Variants in AKAP12 observed in about 807,000 individuals in gnomAD.
AKAP12 encodes the protein A-kinase anchor protein 12.
Under a neutral mutation model 79.9 loss-of-function variants are expected in AKAP12, and 32 were observed. The ratio of observed to expected loss-of-function variants is 0.40; its 90% CI spans 0.30 to 0.54. The LOEUF (loss-of-function observed/expected upper bound fraction) is 0.54, where lower values mean the gene tolerates loss of function less well. Among genes scored for constraint, AKAP12 ranks in the 20% least tolerant of loss-of-function variants. AKAP12 has a pLI of 0.48. For synonymous variants in AKAP12, 808 were observed against 857.0 expected, an observed-to-expected ratio of 0.94 and a Z score of 1.00; for missense variants, 2,074 against 2,177.0, an observed-to-expected ratio of 0.95 and a Z score of 0.94.
intron 2 of AKAP12, among the ~76,000 whole-genome samples, chr6:151,264,368 TA>T (rs11324571): frequency 0.21 from 21,882 of 104,716 alleles, 1,693 homozygotes; most frequent in African/African-American, 0.24. Flanking sequence ...CCCCACCTCT[TA>T]AAAAAAAAAA....
Position 151,353,578 on chromosome 6 carries a change from T to C in AKAP12, c.5187T>C (p.Asp1729=), listed in dbSNP as rs1778360447. ...GAGGCTTAACCAAAGAGTCCCCAGA[T>C]ACAAATGGACCAAAACAAAAAGAGA... The part of the protein sequence containing the change: ...ASGGLTKESP[D]TNGPKQKEKE... Residue 1729 remains aspartate, a synonymous_variant, in exon 4 of 5, where the codon GAT becomes GAC. Coordinates refer to ENST00000402676, the MANE Select transcript of AKAP12 (RefSeq NM_005100.4). The C allele has an allele frequency of 6.2e-7, 1 of 1,614,012 alleles. No homozygotes were observed. Among genetic ancestry groups the C allele is most frequent in the African/African-American group, 1.3e-5 (1 of 74,982 alleles).
intron 3 of AKAP12, chr6:151,343,994 G>A (rs754292486): frequency 4.6e-6 from 2 of 435,320 alleles, no homozygotes; most frequent in Non-Finnish European, 8.7e-6. Context: ...TTAAATCGTC[G>A]ATGTCTGGAC....
intron 3 of AKAP12, among the ~76,000 whole-genome samples, chr6:151,321,286 C>A (rs1405884386): frequency 6.6e-6 from 1 of 152,138 alleles, no homozygotes; most frequent in African/African-American, 2.4e-5. Flanking sequence ...CACACCTGGC[C>A]AGGACATTTT....
chr6:151,340,371 G>A (rs1368941666), intron 3 of AKAP12, among the ~76,000 whole-genome samples: 1 of 151,816 alleles, frequency 6.6e-6, no homozygotes, highest in Non-Finnish European at 1.5e-5. Flanking sequence ...AAACATCTGT[G>A]TGCAGATGTT....
chr6:151,284,735 C>CT (rs1776466969), intron 2 of AKAP12, among the ~76,000 whole-genome samples: 1 of 152,190 alleles, frequency 6.6e-6, no homozygotes, highest in African/African-American at 2.4e-5. Flanking sequence ...CAAAACTCAA[C>CT]TTTTTCTGGT....
At chr6:151,354,188 A>C (rs966507608) in intron 4 of AKAP12, among the ~76,000 whole-genome samples, 1 of 151,874 alleles carries the variant, frequency 6.6e-6, no homozygotes, top group Non-Finnish European at 1.5e-5. Flanking sequence ...AGTGCCCCCA[A>C]ATGGGCTAAT....
chr6:151,342,444 A>T (rs1777977025), intron 3 of AKAP12, among the ~76,000 whole-genome samples: 1 of 152,166 alleles, frequency 6.6e-6, no homozygotes, highest in African/African-American at 2.4e-5. Context: ...AGGAGTCCAC[A>T]GCCTGTTGAT....
chr6:151,312,653 G>A (rs9322315), intron 3 of AKAP12, among the ~76,000 whole-genome samples: 123,451 of 151,824 alleles, frequency 0.81, 50,968 homozygotes, highest in East Asian at 0.97. Flanking sequence ...TTAGCCGGGC[G>A]TGGTGGCGGG....
At chr6:151,314,558 G>A (rs546687233) in intron 3 of AKAP12, among the ~76,000 whole-genome samples, 1 of 152,136 alleles carries the variant, frequency 6.6e-6, no homozygotes, top group Non-Finnish European at 1.5e-5. Context: ...ATTGGTTATA[G>A]CCAGGGATGG....
chr6:151,341,734 G>A, intron 3 of AKAP12: 1 of 1,275,864 alleles, frequency 7.8e-7, no homozygotes, highest in African/African-American at 1.6e-5. Flanking sequence ...CAGCGATGGC[G>A]GACACGGAAT....
At chr6:151,244,139 C>G (rs537793265) in intron 2 of AKAP12, among the ~76,000 whole-genome samples, 14 of 152,244 alleles carry the variant, frequency 9.2e-5, no homozygotes, top group African/African-American at 2.9e-4. Flanking sequence ...ATTACAAGAG[C>G]CTTGAATCAC....
At chr6:151,281,778 T>C (rs1394977461) in intron 2 of AKAP12, among the ~76,000 whole-genome samples, 1 of 151,956 alleles carries the variant, frequency 6.6e-6, no homozygotes, top group Non-Finnish European at 1.5e-5. Flanking sequence ...CTTGACTTCC[T>C]GGGCTCAGGA....
At chr6:151,339,910 C>CTGA (rs1297851960) in intron 3 of AKAP12, among the ~76,000 whole-genome samples, 1 of 151,858 alleles carries the variant, frequency 6.6e-6, no homozygotes, top group East Asian at 1.9e-4. Flanking sequence ...TTTTCATGGC[C>CTGA]TGATAACTAA....
chr6:151,348,303 C>T (rs1384103409), intron 3 of AKAP12: 38 of 437,316 alleles, frequency 8.7e-5, no homozygotes, highest in African/African-American at 5.6e-4. Flanking sequence ...CCAGCCTGGG[C>T]GACAGAGTGA....
At chr6:151,304,488 CAAAAAAAAAAAAA>C (rs1157088954) in intron 2 of AKAP12, among the ~76,000 whole-genome samples, 21 of 46,002 alleles carry the variant, frequency 4.6e-4, no homozygotes, top group South Asian at 2.0e-3. Flanking sequence ...CACTCCATCT[CAAAAAAAAAAAAA>C]AAAAAAAAAA....
chr6:151,345,289 A>C (rs1188226029), intron 3 of AKAP12, among the ~76,000 whole-genome samples: 2 of 151,060 alleles, frequency 1.3e-5, no homozygotes, highest in Non-Finnish European at 3.0e-5. Context: ...GTTAGCCAGG[A>C]TGGTCTCGAT....
intron 2 of AKAP12, among the ~76,000 whole-genome samples, chr6:151,245,139 A>T (rs1350417698): frequency 1.3e-5 from 2 of 152,164 alleles, no homozygotes; most frequent in Non-Finnish European, 2.9e-5. Context: ...CCTTTGTCTT[A>T]GTTAGTTTTA....
At chr6:151,275,913 T>A (rs184322424) in intron 2 of AKAP12, among the ~76,000 whole-genome samples, 1 of 152,390 alleles carries the variant, frequency 6.6e-6, no homozygotes, top group East Asian at 1.9e-4. Context: ...TCTGGAAAGT[T>A]GTTCTTATCA....
rs1166221595 is a variant in AKAP12 at position 151,348,328 on chromosome 6, AAAAAAAAAAAAAAAAGTTAATTTTCT to A, written c.320-382_320-357del. On this transcript the variant is annotated intron_variant, in intron 3 of 4. Coordinates refer to ENST00000402676, the MANE Select transcript of AKAP12 (RefSeq NM_005100.4). ...CGACAGAGTGAGACTCTGTCTCAAAAAAAAAAAAAAAAAAAGTTAATTTTCTTGGGCTAGGCACTATAGCTCACACT... is the reference window on the plus strand; with the variant it reads ...CGACAGAGTGAGACTCTGTCTCAAAATGGGCTAGGCACTATAGCTCACACT... The A allele has an allele frequency of 6.5e-5, 6 of 92,790 alleles. No homozygotes were observed. The East Asian group carries it at 1.4e-3, about 22-fold the overall frequency. The allele number at this position is 92,790 out of a possible 1,614,324, so 5.7% of individuals were successfully genotyped here.
Sources: gnomAD v4.1 joint callset for allele counts (sites outside exome capture counted in the v4.1 genomes callset) on GRCh38, gnomAD v4.1.1 for gene constraint, MANE v1.5 for transcripts, NCBI Gene and HGNC (gene_info 2026-07-23, HGNC 2026-07-21) for gene names.